STK33: variants seen among roughly 807,000 people sequenced by gnomAD.
STK33 encodes serine/threonine kinase 33, also known as serine/threonine-protein kinase 33.
STK33 carries 52 observed loss-of-function variants against 58.0 expected under a neutral mutation model. The ratio of observed to expected loss-of-function variants is 0.90; its 90% CI spans 0.72 to 1.13. The LOEUF (loss-of-function observed/expected upper bound fraction) is 1.13. Among genes scored for constraint, STK33 ranks in the 50% most tolerant of loss-of-function variants. The probability of loss-of-function intolerance (pLI) is 0.00; values close to 1 mark genes in which losing one functional copy is unlikely to be tolerated. For synonymous variants in STK33, 215 were observed against 200.1 expected (o/e 1.07, Z -0.63); for missense variants, 630 against 604.2 (o/e 1.04, Z -0.45).
chr11:8,427,040 T>C (rs1200764890), intron 14 of STK33, among the ~76,000 whole-genome samples: 1 of 152,198 alleles, frequency 6.6e-6, no homozygotes, highest in Non-Finnish European at 1.5e-5. Context: ...TTTTGTATTT[T>C]TTGATATCAG....
chr11:8,392,117 T>G lies in STK33; in HGVS notation c.*393A>C. On this transcript the variant is annotated 3_prime_UTR_variant, in exon 16 of 16. Transcript: ENST00000687296. ...CTAGTGCAAAGTGCACATAATTATTTGGCACCTCCATTACTATATTTGGCC... is the reference window on the plus strand; with the variant it reads ...CTAGTGCAAAGTGCACATAATTATTGGGCACCTCCATTACTATATTTGGCC... 5.1e-6 allele frequency: 1 copy of G among 197,956 alleles called. No individual in the cohort carries two copies. Among genetic ancestry groups the G allele is most frequent in the South Asian group, 1.2e-4 (1 of 8,448 alleles). The allele number at this position is 197,956 out of a possible 1,614,324, so 12.3% of individuals were successfully genotyped here.
intron 1 of STK33, among the ~76,000 whole-genome samples, chr11:8,530,971 G>A (rs192706818): frequency 3.2e-3 from 491 of 152,182 alleles, no homozygotes; most frequent in Non-Finnish European, 5.2e-3. Flanking sequence ...GATTACAGGC[G>A]CGAGCCACCA....
intron 1 of STK33, among the ~76,000 whole-genome samples, chr11:8,566,884 T>C (rs567834724): frequency 9.3e-4 from 141 of 152,288 alleles, no homozygotes; most frequent in African/African-American, 3.2e-3. Flanking sequence ...AAATAATGTT[T>C]AAGGCTGGGC....
At chr11:8,537,611 T>C (rs1228682522) in intron 1 of STK33, among the ~76,000 whole-genome samples, 2 of 151,804 alleles carry the variant, frequency 1.3e-5, no homozygotes, top group African/African-American at 4.8e-5. Flanking sequence ...TAACATGAGA[T>C]TAAAATGGAC....
intron 1 of STK33, among the ~76,000 whole-genome samples, chr11:8,584,019 C>T (rs1232651006): frequency 6.6e-6 from 1 of 151,558 alleles, no homozygotes; most frequent in African/African-American, 2.4e-5. Context: ...GCCACTCAAT[C>T]TGCCTCAAGG....
chr11:8,438,205 C>A (rs970396636), intron 12 of STK33, among the ~76,000 whole-genome samples: 1 of 152,090 alleles, frequency 6.6e-6, no homozygotes, highest in Non-Finnish European at 1.5e-5. Context: ...AAAAATGTAT[C>A]TAATGGTTGG....
chr11:8,389,505 G>T (rs1848588857), downstream of STK33, among the ~76,000 whole-genome samples: 1 of 152,190 alleles, frequency 6.6e-6, no homozygotes, highest in Admixed American at 6.5e-5. Context: ...ATTTCCCAGA[G>T]GCCACAGCTC....
chr11:8,372,753 G>A, the STK33 span, among the ~76,000 whole-genome samples: 1 of 152,338 alleles, frequency 6.6e-6, no homozygotes, highest in East Asian at 1.9e-4. Flanking sequence ...CCTTAAGACA[G>A]CATCCAAGGG....
chr11:8,462,440 T>TACACACACACAC (rs201221789), intron 7 of STK33, among the ~76,000 whole-genome samples: 60 of 126,504 alleles, frequency 4.7e-4, no homozygotes, highest in Non-Finnish European at 6.8e-4. Flanking sequence ...TATATACATA[T>TACACACACACAC]ATACACACAC....
chr11:8,546,205 C>T (rs1955898676), intron 1 of STK33, among the ~76,000 whole-genome samples: 1 of 152,172 alleles, frequency 6.6e-6, no homozygotes, highest in Non-Finnish European at 1.5e-5. Flanking sequence ...GTCATTATTG[C>T]ATACTACTGT....
chr11:8,473,560 G>C (rs1459513544), intron 5 of STK33, among the ~76,000 whole-genome samples: 12 of 152,218 alleles, frequency 7.9e-5, no homozygotes, highest in African/African-American at 2.9e-4. Context: ...GTGATTCTCT[G>C]AAATCAAAGA....
the STK33 span, among the ~76,000 whole-genome samples, chr11:8,364,256 T>C: frequency 1.3e-5 from 2 of 152,244 alleles, no homozygotes; most frequent in African/African-American, 4.8e-5. Flanking sequence ...CTTCTACAAC[T>C]CCATTTACGT....
At chr11:8,368,471 C>G in the STK33 span, among the ~76,000 whole-genome samples, 7 of 152,226 alleles carry the variant, frequency 4.6e-5, no homozygotes, top group African/African-American at 9.6e-5. Flanking sequence ...GGATGGGCAG[C>G]CTGCCCAGCC....
At chr11:8,376,178 G>C in the STK33 span, among the ~76,000 whole-genome samples, 1 of 152,242 alleles carries the variant, frequency 6.6e-6, no homozygotes, top group Non-Finnish European at 1.5e-5. Flanking sequence ...CCAGGGCAAG[G>C]CTCTGGGAAA....
At chr11:8,556,207 T>C (rs996079080) in intron 1 of STK33, among the ~76,000 whole-genome samples, 14 of 152,192 alleles carry the variant, frequency 9.2e-5, no homozygotes, top group African/African-American at 2.4e-5. Context: ...GTCTGGATTT[T>C]ATCGGGTAAT....
chr11:8,476,852 G>T (rs10840058), intron 3 of STK33, 101 bp from the exon 4 acceptor site: 68,262 of 152,020 alleles, frequency 0.45, 15,732 homozygotes, highest in Non-Finnish European at 0.5. Context: ...TCTGACCATA[G>T]TAGTATTCCC....
At chr11:8,500,210 A>C (rs1308539633) in intron 1 of STK33, among the ~76,000 whole-genome samples, 1 of 152,158 alleles carries the variant, frequency 6.6e-6, no homozygotes, top group Non-Finnish European at 1.5e-5. Flanking sequence ...AGCACAATTA[A>C]ACAAGAAAGT....
At chr11:8,401,348 G>T (rs975168744) in intron 15 of STK33, among the ~76,000 whole-genome samples, 3 of 152,222 alleles carry the variant, frequency 2.0e-5, no homozygotes, top group African/African-American at 7.2e-5. Flanking sequence ...TGACAAACCT[G>T]ACAAAAACAA....
intron 1 of STK33, among the ~76,000 whole-genome samples, chr11:8,564,047 T>A (rs188006597): frequency 6.6e-6 from 1 of 152,306 alleles, no homozygotes; most frequent in African/African-American, 2.4e-5. Flanking sequence ...CCTACAAGCA[T>A]GCAAATAAAC....
Sources: gnomAD v4.1 joint callset for allele counts (sites outside exome capture counted in the v4.1 genomes callset) on GRCh38, gnomAD v4.1.1 for gene constraint, MANE v1.5 for transcripts, NCBI Gene and HGNC (gene_info 2026-07-23, HGNC 2026-07-21) for gene names.